The following LRRC4C variants were observed in gnomAD, a reference collection of about 807,000 sequenced individuals.
The protein encoded by LRRC4C is leucine rich repeat containing 4C.
LRRC4C carries 5 observed loss-of-function variants against 33.6 expected under a neutral mutation model. The ratio of observed to expected loss-of-function variants is 0.15; its 90% CI spans 0.08 to 0.31. The LOEUF (loss-of-function observed/expected upper bound fraction) is 0.31, where lower values mean the gene tolerates loss of function less well. Ranked by LOEUF, LRRC4C falls within the 10% of genes least tolerant of loss-of-function variation. The pLI is 1.00. For missense variants in LRRC4C, 560 were observed against 796.7 expected (o/e 0.70, Z 3.58); for synonymous variants, 329 against 302.0 (o/e 1.09, Z -0.93).
chr11:40,469,440 A>G (rs10742542), intron 3 of LRRC4C, among the ~76,000 whole-genome samples: 60,230 of 151,852 alleles, frequency 0.4, 12,029 homozygotes, highest in African/African-American at 0.44. Flanking sequence ...GGTTTCAAGC[A>G]CCAAACTGGG....
chr11:40,724,770 C>A (rs191065010), intron 2 of LRRC4C, among the ~76,000 whole-genome samples: 3 of 151,836 alleles, frequency 2.0e-5, no homozygotes, highest in South Asian at 2.1e-4. Flanking sequence ...GAAATTGAGA[C>A]CCCCCAAAAA....
chr11:40,369,528 G>C (rs182996010), intron 3 of LRRC4C, among the ~76,000 whole-genome samples: 1 of 152,258 alleles, frequency 6.6e-6, no homozygotes, highest in Admixed American at 6.5e-5. Context: ...AGTGGAGATG[G>C]GGTTTCTTCA....
intron 3 of LRRC4C, among the ~76,000 whole-genome samples, chr11:40,621,016 T>A (rs760501453): frequency 6.6e-6 from 1 of 151,674 alleles, no homozygotes; most frequent in Non-Finnish European, 1.5e-5. Context: ...AGAGTGCATA[T>A]ACCACCAAAT....
intron 3 of LRRC4C, among the ~76,000 whole-genome samples, chr11:40,465,417 T>C (rs1487608581): frequency 1.3e-5 from 2 of 151,852 alleles, no homozygotes; most frequent in Non-Finnish European, 1.5e-5. Flanking sequence ...ATTCATGACT[T>C]AGACCCTAAA....
intron 2 of LRRC4C, among the ~76,000 whole-genome samples, chr11:40,706,808 C>A (rs1274399844): frequency 6.6e-6 from 1 of 152,124 alleles, no homozygotes; most frequent in Non-Finnish European, 1.5e-5. Context: ...GCAGTATGGC[C>A]ATTTTCACGA....
intron 1 of LRRC4C, among the ~76,000 whole-genome samples, chr11:40,941,685 A>G (rs1305095040): frequency 6.6e-6 from 1 of 152,174 alleles, no homozygotes; most frequent in Non-Finnish European, 1.5e-5. Flanking sequence ...GTTTTAACCT[A>G]AACAATTCAT....
At chr11:41,345,650 T>C (rs1951779421) in intron 1 of LRRC4C, among the ~76,000 whole-genome samples, 1 of 152,194 alleles carries the variant, frequency 6.6e-6, no homozygotes, top group South Asian at 2.1e-4. Context: ...CAACCAATGG[T>C]CTTGCCATTT....
Position 41,283,986 on chromosome 11 carries a change from C to A in LRRC4C, c.-496+175445G>T, listed in dbSNP as rs74725352. Among the ~76,000 whole-genome samples the A allele has an allele frequency of 1.1e-4, 17 of 152,116 alleles. No individual in the cohort carries two copies. In the East Asian group the frequency reaches 3.3e-3, roughly 29 times the overall value. ...TACAGCACTGCTCTGTATGGAGTAA[C>A]CCCAGTGAAAGTTATACGTATTTGA... On this transcript the variant is annotated intron_variant, in intron 1 of 6. Transcript: ENST00000528697.
chr11:40,899,367 G>A (rs896142626), intron 2 of LRRC4C, among the ~76,000 whole-genome samples: 5 of 152,226 alleles, frequency 3.3e-5, no homozygotes, highest in South Asian at 2.1e-4. Context: ...GTGACCCTTC[G>A]TGTCCATCTT....
chr11:41,435,087 TC>T (rs769917024), intron 1 of LRRC4C, among the ~76,000 whole-genome samples: 45 of 152,158 alleles, frequency 3.0e-4, no homozygotes, highest in Non-Finnish European at 5.3e-4. Context: ...GAATTAAAAG[TC>T]CACAAGGTCC....
At chr11:40,813,275 G>T (rs552146709) in intron 2 of LRRC4C, among the ~76,000 whole-genome samples, 1 of 152,266 alleles carries the variant, frequency 6.6e-6, no homozygotes, top group East Asian at 1.9e-4. Flanking sequence ...AGGTTTAATT[G>T]ACTCACAGTT....
chr11:41,352,496 T>G (rs1259114754), intron 1 of LRRC4C, among the ~76,000 whole-genome samples: 1 of 152,096 alleles, frequency 6.6e-6, no homozygotes, highest in Non-Finnish European at 1.5e-5. Context: ...GGGACTTAAA[T>G]CTGACCCTTG....
rs530824390 is a variant in LRRC4C at position 40,877,305 on chromosome 11, A to G, written c.-407+56330T>C. ...ACCAATTCAGTTTTCCCGACATGTA[A>G]TTATTCAAAGACTTAAATAGTTCTG... is the stretch of plus-strand genomic sequence containing the variant. On this transcript the variant is annotated intron_variant, in intron 2 of 6. Transcript: ENST00000528697. Among the ~76,000 whole-genome samples the G allele has an allele frequency of 7.2e-5, 11 of 152,254 alleles. No homozygotes were observed. In the South Asian group the frequency reaches 1.7e-3, roughly 23 times the overall value.
At chr11:41,363,016 C>CAG (rs1952411237) in intron 1 of LRRC4C, among the ~76,000 whole-genome samples, 1 of 152,140 alleles carries the variant, frequency 6.6e-6, no homozygotes, top group Admixed American at 6.5e-5. Flanking sequence ...CTATGGGAGC[C>CAG]ATTATTCATG....
intron 5 of LRRC4C, among the ~76,000 whole-genome samples, chr11:40,182,407 TAA>T (rs1294978025): frequency 1.3e-5 from 2 of 152,024 alleles, no homozygotes; most frequent in African/African-American, 2.4e-5. Context: ...CACATAAACA[TAA>T]AAAAAGAGTT....
intron 1 of LRRC4C, among the ~76,000 whole-genome samples, chr11:41,044,285 A>T (rs1857627109): frequency 6.6e-6 from 1 of 152,098 alleles, no homozygotes; most frequent in Non-Finnish European, 1.5e-5. Context: ...ACAAGTGCAT[A>T]AAAAAATGAA....
At chr11:41,258,649 G>A (rs1322935449) in intron 1 of LRRC4C, among the ~76,000 whole-genome samples, 1 of 151,794 alleles carries the variant, frequency 6.6e-6, no homozygotes, top group Non-Finnish European at 1.5e-5. Flanking sequence ...ATAGAAGGAA[G>A]GAACTCAATA....
chr11:40,126,750 G>T (rs969071893), intron 6 of LRRC4C, among the ~76,000 whole-genome samples: 1 of 151,738 alleles, frequency 6.6e-6, no homozygotes, highest in East Asian at 1.9e-4. Context: ...CACCTGAGGT[G>T]GGGAGTTCAA....
chr11:40,973,871 T>C (rs896140783), intron 1 of LRRC4C, among the ~76,000 whole-genome samples: 2 of 152,144 alleles, frequency 1.3e-5, no homozygotes, highest in Non-Finnish European at 2.9e-5. Flanking sequence ...ACTCATATAA[T>C]AGATAAAACA....
Sources: allele counts gnomAD v4.1 joint callset (sites outside exome capture counted in the v4.1 genomes callset), GRCh38; gene constraint gnomAD v4.1.1; transcripts MANE v1.5; gene names NCBI Gene and HGNC (gene_info 2026-07-23, HGNC 2026-07-21).